TRIM9: variants seen among roughly 807,000 people sequenced by gnomAD.
TRIM9 encodes tripartite motif containing 9.
TRIM9 carries 26 observed loss-of-function variants against 78.3 expected under a neutral mutation model. That is an observed-to-expected ratio of 0.33 (90% confidence interval 0.24 to 0.46). The LOEUF (loss-of-function observed/expected upper bound fraction) is 0.46, where lower values mean the gene tolerates loss of function less well. Among genes scored for constraint, TRIM9 ranks in the 20% least tolerant of loss-of-function variants. The pLI, the probability that TRIM9 is intolerant of heterozygous loss-of-function variation, is 1.00. For missense variants in TRIM9, 787 were observed against 1,036.4 expected, an observed-to-expected ratio of 0.76 and a Z score of 3.30; for synonymous variants, 398 against 416.5, an observed-to-expected ratio of 0.96 and a Z score of 0.54.
At chr14:50,991,903 T>TG (rs1419867581) in intron 7 of TRIM9, among the ~76,000 whole-genome samples, 6 of 152,184 alleles carry the variant, frequency 3.9e-5, no homozygotes, top group African/African-American at 1.4e-4. Flanking sequence ...GATAAAATTT[T>TG]GGGGTGACAA....
chr14:51,045,021 G>T (rs1477261985), intron 1 of TRIM9, among the ~76,000 whole-genome samples: 4 of 151,986 alleles, frequency 2.6e-5, no homozygotes, highest in Non-Finnish European at 5.9e-5. Context: ...AGGGCGGTTG[G>T]TTCTCAACTT....
At chr14:51,034,486 A>C (rs2058981554) in intron 1 of TRIM9, among the ~76,000 whole-genome samples, 1 of 152,242 alleles carries the variant, frequency 6.6e-6, no homozygotes, top group African/African-American at 2.4e-5. Context: ...ACAGGAAAGA[A>C]GTACATTCAT....
At chr14:51,090,075 T>C (rs2064163177) in intron 1 of TRIM9, 2 of 152,238 alleles carry the variant, frequency 1.3e-5, no homozygotes, top group South Asian at 4.1e-4. Flanking sequence ...TCTCCTGTTA[T>C]CTAGTTCTTT....
intron 7 of TRIM9, among the ~76,000 whole-genome samples, chr14:50,992,816 T>C (rs896563758): frequency 3.3e-5 from 5 of 152,350 alleles, no homozygotes; most frequent in African/African-American, 7.2e-5. Context: ...TTAATCTTTA[T>C]GAGTAACATT....
chr14:51,093,041 G>T (rs1566658437), intron 1 of TRIM9, among the ~76,000 whole-genome samples: 2 of 152,256 alleles, frequency 1.3e-5, no homozygotes, highest in South Asian at 4.1e-4. Flanking sequence ...GCCTGGCGTC[G>T]TTTGAGGAAC....
intron 1 of TRIM9, among the ~76,000 whole-genome samples, chr14:51,044,069 AT>A (rs2059763475): frequency 6.6e-6 from 1 of 152,194 alleles, no homozygotes; most frequent in Non-Finnish European, 1.5e-5. Context: ...TTTTTAAACA[AT>A]TTTTAATTTG....
rs1423615227 is a variant in TRIM9, at chr14:51,048,941, A to G, written c.823-23581T>C. Among the ~76,000 whole-genome samples the G allele has an allele frequency of 6.7e-5, 10 of 150,054 alleles. No individual in the cohort carries two copies. The East Asian group carries it at 1.8e-3, about 27-fold the overall frequency. On this transcript the variant is annotated intron_variant, in intron 1 of 12. Transcript: ENST00000684578. ...GGTGCTTGCAGTGAGCCGAGATCGC[A>G]CCACTGCACTCCAGCCTAGGTGACA...
intron 1 of TRIM9, among the ~76,000 whole-genome samples, chr14:51,082,594 G>T (rs1228821788): frequency 6.6e-6 from 1 of 152,158 alleles, no homozygotes; most frequent in Non-Finnish European, 1.5e-5. Context: ...GTACACTACT[G>T]GTTGCCAGGA....
chr14:51,082,529 TTA>T (rs779013555), intron 1 of TRIM9, among the ~76,000 whole-genome samples: 3 of 152,320 alleles, frequency 2.0e-5, no homozygotes, highest in Non-Finnish European at 4.4e-5. Flanking sequence ...GCCACATATT[TTA>T]TGATTCCATT....
chr14:51,022,968 G>T lies in TRIM9; in HGVS notation c.919-11C>A. On this transcript the variant is annotated splice_polypyrimidine_tract_variant and intron_variant, in intron 2 of 12. Transcript: ENST00000684578. ...CTCCACACTGTTCTCCTGTGTAACA[G>T]AGCACATTTCTCAACTGCAAGCTGC... is the stretch of plus-strand genomic sequence containing the variant. The T allele has an allele frequency of 1.2e-6, 2 of 1,613,622 alleles. No individual in the cohort carries two copies. Among genetic ancestry groups the T allele is most frequent in the East Asian group, 4.5e-5 (2 of 44,882 alleles).
At chr14:51,051,240 T>C (rs906896866) in intron 1 of TRIM9, among the ~76,000 whole-genome samples, 3 of 152,204 alleles carry the variant, frequency 2.0e-5, no homozygotes, top group Non-Finnish European at 2.9e-5. Flanking sequence ...CTATATCTTT[T>C]GTCTTTGCAA....
intron 1 of TRIM9, among the ~76,000 whole-genome samples, chr14:51,052,042 AAGAAG>A (rs36204061): frequency 0.29 from 43,390 of 149,500 alleles, 6,514 homozygotes; most frequent in African/African-American, 0.35. Context: ...GGGGAGGGAA[AAGAAG>A]AGAAGAGAAG....
chr14:51,018,349 T>C (rs899289398), intron 3 of TRIM9, among the ~76,000 whole-genome samples: 3 of 151,866 alleles, frequency 2.0e-5, no homozygotes, highest in African/African-American at 7.3e-5. Context: ...CTTCTTTCTA[T>C]CCTTCCTCCC....
chr14:51,094,161 C>T lies in TRIM9; in HGVS notation c.779G>A (p.Ser260Asn). 6.2e-7 allele frequency: 1 copy of T among 1,614,214 alleles called. No individual in the cohort carries two copies. The change falls in exon 1 of 13, where the codon AGC becomes AAC. Residue 260 changes from serine to asparagine, a missense_variant. By Grantham distance (46) the Ser-to-Asn change is conservative. Coordinates refer to ENST00000684578, the MANE Select transcript of TRIM9 (RefSeq NM_001387360.1). ...YQCLEEGKHSSHEVKALGAMW... is the reference protein window; with the variant it reads ...YQCLEEGKHSNHEVKALGAMW... ...GGCCCCCAGAGCCTTGACTTCGTGG[C>T]TGGAGTGTTTGCCCTCCTCCAAGCA...
intron 1 of TRIM9, among the ~76,000 whole-genome samples, chr14:51,082,375 G>A (rs909830257): frequency 3.3e-5 from 5 of 152,260 alleles, no homozygotes; most frequent in Middle Eastern, 3.4e-3. Context: ...CTGATAAATG[G>A]ATAAACAAAA....
intron 7 of TRIM9, chr14:50,986,348 C>T: frequency 2.6e-6 from 1 of 388,834 alleles, no homozygotes; most frequent in Non-Finnish European, 4.5e-6. Context: ...CCAGAGGACA[C>T]CTCGAACAAC....
chr14:51,027,304 G>A (rs376401974), intron 1 of TRIM9, among the ~76,000 whole-genome samples: 5 of 151,656 alleles, frequency 3.3e-5, no homozygotes, highest in South Asian at 2.1e-4. Context: ...CCACCACACC[G>A]AGTGAACTTT....
chr14:51,047,396 A>G (rs760659835), intron 1 of TRIM9, among the ~76,000 whole-genome samples: 1 of 152,184 alleles, frequency 6.6e-6, no homozygotes, highest in African/African-American at 2.4e-5. Flanking sequence ...CCTTGAGGAT[A>G]AGGACAGGTG....
intron 12 of TRIM9, among the ~76,000 whole-genome samples, chr14:50,977,977 G>A (rs952789346): frequency 2.0e-5 from 3 of 152,018 alleles, no homozygotes; most frequent in South Asian, 2.1e-4. Context: ...AACCCCTGAA[G>A]AGCATCTAGT....
Sources: allele counts gnomAD v4.1 joint callset (sites outside exome capture counted in the v4.1 genomes callset), GRCh38; gene constraint gnomAD v4.1.1; transcripts MANE v1.5; gene names NCBI Gene and HGNC (gene_info 2026-07-23, HGNC 2026-07-21).